Variants in PRKAG2 observed in about 807,000 individuals in gnomAD.
PRKAG2 encodes the protein 5'-AMP-activated protein kinase subunit gamma-2.
Under a neutral mutation model 69.6 loss-of-function variants are expected in PRKAG2, and 26 were observed. That is an observed-to-expected ratio of 0.37 (90% CI 0.27 to 0.52). The LOEUF (loss-of-function observed/expected upper bound fraction) is 0.52, where lower values mean the gene tolerates loss of function less well. PRKAG2 is among the 20% of genes least tolerant of loss of function. The pLI is 0.90. For missense variants in PRKAG2, 557 were observed against 740.0 expected (o/e 0.75, Z 2.87); for synonymous variants, 293 against 285.0 (o/e 1.03, Z -0.28).
chr7:151,827,678 G>T (rs1328927314), intron 1 of PRKAG2, among the ~76,000 whole-genome samples: 5 of 146,980 alleles, frequency 3.4e-5, no homozygotes, highest in Non-Finnish European at 5.9e-5. Flanking sequence ...CCAGGAAAAG[G>T]TCCTGGGTAG....
rs1457620047 is a variant in PRKAG2 at position 151,583,371 on chromosome 7, T to A, written c.865-6919A>T. 6.6e-6 allele frequency among the ~76,000 whole-genome samples: 1 copy of A among 152,166 alleles called. No individual in the cohort carries two copies. The highest frequency in any genetic ancestry group is 2.4e-5 in the African/African-American group (1 of 41,432). ...GGTCACTGAGGAAGTCTCAATTCCA[T>A]CCTTCAGAGATCTCATATAATATTC... is the stretch of plus-strand genomic sequence containing the variant. On this transcript the variant is annotated intron_variant, in intron 6 of 15. Transcript: ENST00000287878. This position sits in a 1 kb window ranked among gnomAD's most constrained non-coding sequence, Gnocchi z 4.1.
In PRKAG2 at chr7:151,632,142, A is replaced by G; in HGVS notation, c.685-4T>C. The G allele has an allele frequency of 1.4e-6, 2 of 1,393,604 alleles. No homozygotes were observed. The highest frequency in any genetic ancestry group is 1.5e-5 in the South Asian group (1 of 68,884). 86.3% of individuals were successfully genotyped at this position (1,393,604 alleles called of 1,614,324 possible). A position where few individuals can be genotyped will look rare whatever the true frequency, so the allele number is the denominator to read the frequency against. On this transcript the variant is annotated splice_region_variant and splice_polypyrimidine_tract_variant and intron_variant, in intron 4 of 15. Transcript: ENST00000287878. This position sits in a 1 kb window ranked among gnomAD's most constrained non-coding sequence, Gnocchi z 4.2. ...CCAGGGCCGCCGCCAGCGCCGCCTGAGGGGGAGGAGGAGGACAGCGATCAG... is the reference window on the plus strand; with the variant it reads ...CCAGGGCCGCCGCCAGCGCCGCCTGGGGGGGAGGAGGAGGACAGCGATCAG...
intron 3 of PRKAG2, among the ~76,000 whole-genome samples, chr7:151,695,016 G>A (rs1010986938): frequency 2.0e-5 from 3 of 152,246 alleles, no homozygotes; most frequent in Non-Finnish European, 2.9e-5. Context: ...CAGGGAGGGA[G>A]CCCGGGACAA....
At chr7:151,624,730 C>T (rs934660173) in intron 5 of PRKAG2, among the ~76,000 whole-genome samples, 12 of 152,138 alleles carry the variant, frequency 7.9e-5, no homozygotes, top group South Asian at 4.1e-4. Context: ...TGTCACCCAC[C>T]GTCGGGTGGA....
chr7:151,867,776 C>G (rs2151911571), intron 1 of PRKAG2, among the ~76,000 whole-genome samples: 1 of 152,298 alleles, frequency 6.6e-6, no homozygotes, highest in Non-Finnish European at 1.5e-5. Context: ...CAGCACTAAC[C>G]CTGCGTAAAC....
At position 151,782,339 on chromosome 7, in the gene PRKAG2, AGGAGGGAGGGAGGGAG is replaced by A. The variant is rs377723859; in HGVS notation, c.187-924_187-909del. Among the ~76,000 whole-genome samples the A allele has an allele frequency of 8.1e-3, 206 of 25,340 alleles. 1 individual carries two copies. The highest frequency in any genetic ancestry group is 0.013 in the South Asian group (7 of 536). The allele number at this position is 25,340 out of a possible 152,430, so 16.6% of individuals were successfully genotyped here. A position where few individuals can be genotyped will look rare whatever the true frequency, so the allele number is the denominator to read the frequency against. ...AAGGAAGGAAGGAAGGAAGGAAGGA[AGGAGGGAGGGAGGGAG>A]GGAGGGAGGGAGGGAGGGAAGGAAA... On this transcript the variant is annotated intron_variant, in intron 2 of 15. Coordinates refer to ENST00000287878, the MANE Select transcript of PRKAG2 (RefSeq NM_016203.4).
chr7:151,782,717 C>T (rs1318791465), intron 2 of PRKAG2, among the ~76,000 whole-genome samples: 1 of 152,178 alleles, frequency 6.6e-6, no homozygotes, highest in Non-Finnish European at 1.5e-5. Context: ...GCCTCAGCTC[C>T]CTCATCTGTA....
In PRKAG2 at chr7:151,771,075, A is replaced by G. The variant is rs75428687; in HGVS notation, c.466+10077T>C. Among the ~76,000 whole-genome samples the G allele has an allele frequency of 0.012, 1,757 of 152,336 alleles. 29 individuals carry two copies. Among genetic ancestry groups the G allele is most frequent in the African/African-American group, 0.041 (1,688 of 41,578 alleles). ...TGCCCACAATGTATAGGTTGCTTAC[A>G]AAAATAACCAGCCCTCCTCTGTTCC... On this transcript the variant is annotated intron_variant, in intron 3 of 15. Coordinates refer to ENST00000287878, the MANE Select transcript of PRKAG2 (RefSeq NM_016203.4). The surrounding 1 kb of genome is among the most constrained non-coding windows in gnomAD (Gnocchi z 4.0).
chr7:151,825,253 G>A (rs1326024018), intron 1 of PRKAG2, among the ~76,000 whole-genome samples: 1 of 152,084 alleles, frequency 6.6e-6, no homozygotes, highest in Non-Finnish European at 1.5e-5. Context: ...TCTTTGCCCT[G>A]GCATTGCTAT....
chr7:151,777,189 C>T lies in PRKAG2; in HGVS notation c.466+3963G>A, dbSNP rs1004654904. Among the ~76,000 whole-genome samples the T allele has an allele frequency of 6.6e-6, 1 of 152,188 alleles. No individual in the cohort carries two copies. Among genetic ancestry groups the T allele is most frequent in the South Asian group, 2.1e-4 (1 of 4,830 alleles). ...GGGCCATGGCCAGGTTCAGCATGGG[C>T]CCCGAGGTCTAGCTCTTCACTGCGG... On this transcript the variant is annotated intron_variant, in intron 3 of 15. Transcript: ENST00000287878. The surrounding 1 kb of genome is among the most constrained non-coding windows in gnomAD (Gnocchi z 4.3).
In PRKAG2 at chr7:151,807,963, T is replaced by C. The variant is rs2078204378; in HGVS notation, c.115-21422A>G. Among the ~76,000 whole-genome samples the C allele has an allele frequency of 6.6e-6, 1 of 152,110 alleles. No homozygotes were observed. The highest frequency in any genetic ancestry group is 6.5e-5 in the Admixed American group (1 of 15,278). ...TGGAGGAAGGAAGAGGCTAAAGGCATAGTTTCGTAACCCCTCCCTACAAAC... is the reference window on the plus strand; with the variant it reads ...TGGAGGAAGGAAGAGGCTAAAGGCACAGTTTCGTAACCCCTCCCTACAAAC... On this transcript the variant is annotated intron_variant, in intron 1 of 15. Transcript: ENST00000287878. This position sits in a 1 kb window ranked among gnomAD's most constrained non-coding sequence, Gnocchi z 4.4.
rs1049688046 is a variant in PRKAG2 at position 151,721,928 on chromosome 7, G to A, written c.467-46291C>T. ...CCTATCCCAACCCTGCTACTCCCTC[G>A]AGGCCCAGTTCAAGGCCACCTCCTC... On this transcript the variant is annotated intron_variant, in intron 3 of 15. Coordinates refer to ENST00000287878, the MANE Select transcript of PRKAG2 (RefSeq NM_016203.4). Among the ~76,000 whole-genome samples, 6 of 151,858 alleles carry A rather than the reference G, an allele frequency of 4.0e-5. No individual in the cohort carries two copies. The East Asian group carries it at 1.2e-3, about 29-fold the overall frequency.
chr7:151,848,910 C>G (rs189345882), intron 1 of PRKAG2, among the ~76,000 whole-genome samples: 140 of 152,302 alleles, frequency 9.2e-4, no homozygotes, highest in African/African-American at 3.3e-3. Flanking sequence ...GGACTTCCGT[C>G]AGCAGACATC....
chr7:151,780,739 G>A lies in PRKAG2; in HGVS notation c.466+413C>T, dbSNP rs1162460220. On this transcript the variant is annotated intron_variant, in intron 3 of 15. Transcript: ENST00000287878. The surrounding 1 kb of genome is among the most constrained non-coding windows in gnomAD (Gnocchi z 4.2). ...CTCAAATACCAAACCACAGAGAGTGGAAGCCATATCAGGCTGACCAAAGCA... is the reference window on the plus strand; with the variant it reads ...CTCAAATACCAAACCACAGAGAGTGAAAGCCATATCAGGCTGACCAAAGCA... 6.6e-6 allele frequency among the ~76,000 whole-genome samples: 1 copy of A among 152,182 alleles called. No homozygotes were observed. The highest frequency in any genetic ancestry group is 1.5e-5 in the Non-Finnish European group (1 of 68,034).
chr7:151,866,756 G>T (rs1363238063), intron 1 of PRKAG2, among the ~76,000 whole-genome samples: 1 of 152,138 alleles, frequency 6.6e-6, no homozygotes, highest in African/African-American at 2.4e-5. Flanking sequence ...TGAGTAAATG[G>T]TTTCCACATT....
At chr7:151,843,312 G>A (rs960033566) in intron 1 of PRKAG2, among the ~76,000 whole-genome samples, 2 of 152,166 alleles carry the variant, frequency 1.3e-5, no homozygotes, top group Non-Finnish European at 2.9e-5. Flanking sequence ...TCCTGAAGCT[G>A]ATGTACATGA....
intron 5 of PRKAG2, among the ~76,000 whole-genome samples, chr7:151,596,854 C>T (rs537479033): frequency 8.5e-5 from 13 of 152,220 alleles, no homozygotes; most frequent in African/African-American, 2.6e-4. Context: ...AATGACCACA[C>T]TATCCACTGT....
intron 3 of PRKAG2, among the ~76,000 whole-genome samples, chr7:151,692,493 G>A (rs1231858611): frequency 1.3e-5 from 2 of 152,180 alleles, no homozygotes; most frequent in Non-Finnish European, 2.9e-5. Flanking sequence ...TTGGGTGTTG[G>A]AATTGTTCTA....
intron 6 of PRKAG2, among the ~76,000 whole-genome samples, chr7:151,578,816 T>A (rs536599788): frequency 2.6e-5 from 4 of 152,150 alleles, no homozygotes; most frequent in Non-Finnish European, 4.4e-5. Context: ...CCAGGAAAGG[T>A]GTGCCCATTT....
Sources: allele counts gnomAD v4.1 joint callset (sites outside exome capture counted in the v4.1 genomes callset), GRCh38; gene constraint gnomAD v4.1.1; non-coding constraint Gnocchi (gnomAD v3.1); transcripts MANE v1.5; gene names NCBI Gene and HGNC (gene_info 2026-07-23, HGNC 2026-07-21).